CHD3: variants seen among roughly 807,000 people sequenced by gnomAD.
The protein encoded by CHD3 is chromodomain helicase DNA binding protein 3, also known as ATP-dependent chromatin remodeler CHD3.
CHD3 carries 52 observed loss-of-function variants against 248.9 expected under a neutral mutation model. The observed-to-expected ratio is 0.21, with a 90% CI of 0.17 to 0.26. CHD3 has a LOEUF of 0.26. Among genes scored for constraint, CHD3 ranks in the 10% least tolerant of loss-of-function variants. CHD3 has a pLI of 1.00. For synonymous variants in CHD3, 985 were observed against 985.2 expected (o/e 1.00, Z 0.00); for missense variants, 1,482 against 2,605.8 (o/e 0.57, Z 9.39).
chr17:7,889,214 A>ATC lies in CHD3; in HGVS notation c.100+116_100+117dup, dbSNP rs1968464288. ...CCACCTTTGGCTCTCCCTCCCCAGC[A>ATC]TCTGGCTTAGGGAGCTGCCAGCTTG... On this transcript the variant is annotated intron_variant, in intron 1 of 39. Coordinates refer to ENST00000330494, the MANE Select transcript of CHD3 (RefSeq NM_001005273.3). This position sits in a 1 kb window ranked among gnomAD's most constrained non-coding sequence, Gnocchi z 4.5. 7.4e-7 allele frequency: 1 copy of ATC among 1,356,196 alleles called. No individual in the cohort carries two copies. Among genetic ancestry groups the ATC allele is most frequent in the Non-Finnish European group, 1.0e-6 (1 of 977,606 alleles). The allele number at this position is 1,356,196 out of a possible 1,614,324, so 84.0% of individuals were successfully genotyped here.
upstream of CHD3, chr17:7,885,126 C>G (rs1429889106): frequency 7.1e-6 from 7 of 981,314 alleles, no homozygotes; most frequent in Non-Finnish European, 8.4e-6. Context: ...CGAGTGGGAG[C>G]CGCGGGCGCG....
rs1970096219 is a variant in CHD3, at chr17:7,899,771, C to T, written c.2545-125C>T. ...AGGTTTAGGAGCCATGGTCTGTAAT[C>T]CCTGCTTGGAGAACAGAGTAATGGC... On this transcript the variant is annotated intron_variant, in intron 15 of 39. Coordinates refer to ENST00000330494, the MANE Select transcript of CHD3 (RefSeq NM_001005273.3). The surrounding 1 kb of genome is among the most constrained non-coding windows in gnomAD (Gnocchi z 6.8). The T allele has an allele frequency of 1.6e-6, 2 of 1,276,198 alleles. No homozygotes were observed. Among genetic ancestry groups the T allele is most frequent in the Non-Finnish European group, 2.2e-6 (2 of 907,092 alleles). 79.1% of individuals were successfully genotyped at this position (1,276,198 alleles called of 1,614,324 possible). A position where few individuals can be genotyped will look rare whatever the true frequency, so the allele number is the denominator to read the frequency against.
upstream of CHD3, among the ~76,000 whole-genome samples, chr17:7,887,554 T>C (rs549736592): frequency 8.5e-5 from 13 of 152,228 alleles, no homozygotes; most frequent in South Asian, 2.7e-3. Flanking sequence ...ACCCCCTGCC[T>C]GCAGTACGCA....
Position 7,902,928 on chromosome 17 carries a change from A to T in CHD3, c.3371-9A>T, listed in dbSNP as rs1417586609. On this transcript the variant is annotated splice_polypyrimidine_tract_variant and intron_variant, in intron 21 of 39. Transcript: ENST00000330494. ...ACAAGAAAAACCTGATCCAACTCTCACCTCCTAGCTCCTGGGGCCCAACAA... is the reference window on the plus strand; with the variant it reads ...ACAAGAAAAACCTGATCCAACTCTCTCCTCCTAGCTCCTGGGGCCCAACAA... The T allele has an allele frequency of 6.2e-7, 1 of 1,613,532 alleles. No individual in the cohort carries two copies. The highest frequency in any genetic ancestry group is 8.5e-7 in the Non-Finnish European group (1 of 1,179,872).
In CHD3 at chr17:7,895,747, C is replaced by G. The variant is rs1437868700; in HGVS notation, c.1707+205C>G. Among the ~76,000 whole-genome samples, 1 of 152,220 alleles carries G rather than the reference C, an allele frequency of 6.6e-6. No homozygotes were observed. The highest frequency in any genetic ancestry group is 1.5e-5 in the Non-Finnish European group (1 of 68,042). ...TCTCTCAGTCTCCGTTAGCTTCCTT[C>G]CCTCAGATATAGCATAGCCTTTCCT... On this transcript the variant is annotated intron_variant, in intron 10 of 39. Transcript: ENST00000330494. This position sits in a 1 kb window ranked among gnomAD's most constrained non-coding sequence, Gnocchi z 4.9.
intron 12 of CHD3, 63 bp downstream of exon 12, chr17:7,898,165 C>T: frequency 1.3e-6 from 2 of 1,589,542 alleles, no homozygotes. Flanking sequence ...GCCAAAACTC[C>T]AGCATAAAAT....
Position 7,906,822 on chromosome 17 carries a change from G to A in CHD3, c.4504-47G>A, listed in dbSNP as rs1387904356. ...CGGAGGAGACTGGAGCTTCCTGTCT[G>A]TAAGCGCCTGGAGCTGACACCTAAC... On this transcript the variant is annotated intron_variant, in intron 29 of 39. Coordinates refer to ENST00000330494, the MANE Select transcript of CHD3 (RefSeq NM_001005273.3). This position sits in a 1 kb window ranked among gnomAD's most constrained non-coding sequence, Gnocchi z 5.0. 6.2e-7 allele frequency: 1 copy of A among 1,609,606 alleles called. No homozygotes were observed. Among genetic ancestry groups the A allele is most frequent in the Non-Finnish European group, 8.5e-7 (1 of 1,177,320 alleles).
Position 7,894,200 on chromosome 17 carries a change from G to A in CHD3, c.1010G>A (p.Arg337Gln), listed in dbSNP as rs199898991. The change falls in exon 7 of 40, where the codon CGG (arginine) becomes CAG (glutamine). Residue 337 changes from arginine (R) to glutamine (Q), a missense_variant. Physicochemically the swap from Arg to Gln is conservative, Grantham distance 43 (BLOSUM62 1). Around this residue, in one of 20 missense-constraint regions of CHD3, gnomAD observed 149 missense variants for 182.6 expected, o/e 0.82. Transcript: ENST00000330494. ...GGCAGTGTCCACAGTGCCTCAGGCC[G>A]GCCTGATGGCCCTGTCCGCACCAAG... ...DSGSVHSASG[R>Q]PDGPVRTKKL... 1.5e-5 allele frequency: 24 copies of A among 1,614,204 alleles called. No homozygotes were observed. The highest frequency in any genetic ancestry group is 1.4e-4 in the South Asian group (13 of 91,088).
upstream of CHD3, among the ~76,000 whole-genome samples, chr17:7,888,535 C>G (rs1415167384): frequency 6.6e-6 from 1 of 152,168 alleles, no homozygotes; most frequent in African/African-American, 2.4e-5. Flanking sequence ...GGCATCCTGT[C>G]TTCCTTTATG....
chr17:7,899,915 T>A lies in CHD3; in HGVS notation c.2564T>A (p.Phe855Tyr), dbSNP rs753844697. 6.2e-7 allele frequency: 1 copy of A among 1,613,254 alleles called. No individual in the cohort carries two copies. The highest frequency in any genetic ancestry group is 1.3e-5 in the African/African-American group (1 of 74,882). The change falls in exon 16 of 40, where the codon TTC becomes TAC. Residue 855 changes from phenylalanine to tyrosine, a missense_variant. Transcript: ENST00000330494. This position sits in a 1 kb window ranked among gnomAD's most constrained non-coding sequence, Gnocchi z 6.8. ...TGGCAGAGGGAGGCACAGGTGAAGTTCCATGTTCTCCTGACATCGTATGAG... is the reference window on the plus strand; with the variant it reads ...TGGCAGAGGGAGGCACAGGTGAAGTACCATGTTCTCCTGACATCGTATGAG... ...FKMKREAQVK[F>Y]HVLLTSYELI...
In CHD3 at chr17:7,894,251, GGAA is replaced by G. The variant is rs766106062; in HGVS notation, c.1072_1074del (p.Lys358del). The G allele has an allele frequency of 1.2e-5, 19 of 1,613,836 alleles. No homozygotes were observed. Among genetic ancestry groups the G allele is most frequent in the East Asian group, 8.9e-5 (4 of 44,892 alleles). On this transcript the variant is annotated inframe_deletion, in exon 7 of 40. Coordinates refer to ENST00000330494, the MANE Select transcript of CHD3 (RefSeq NM_001005273.3). Reference sequence around the variant, plus strand: ...AAACTAAAGAGAGGCCGGCCAGGAAGGAAGAAGAAGAAGGGTAAGGAGTGTTGA... The same window carrying G: ...AAACTAAAGAGAGGCCGGCCAGGAAGGAAGAAGAAGGGTAAGGAGTGTTGA...
intron 8 of CHD3, 151 bp from the exon 9 acceptor site, chr17:7,894,766 C>A: frequency 1.4e-6 from 2 of 1,381,110 alleles, no homozygotes; most frequent in South Asian, 1.4e-5. Context: ...CTCCCACAAT[C>A]AACATTTCTG....
Position 7,897,140 on chromosome 17 carries a change from GAGC to G in CHD3, c.1766_1768del (p.Glu589_Pro590delinsAla). ...CTACCAGCGGAAGAATGACATGGATGAGCCCCCACCCCTGGACTATGGCTCCGG... is the reference window on the plus strand; with the variant it reads ...CTACCAGCGGAAGAATGACATGGATGCCCCACCCCTGGACTATGGCTCCGG... On this transcript the variant is annotated inframe_deletion, in exon 11 of 40. Transcript: ENST00000330494. This position sits in a 1 kb window ranked among gnomAD's most constrained non-coding sequence, Gnocchi z 4.8. 1 of 1,614,186 alleles carries G rather than the reference GAGC, an allele frequency of 6.2e-7. No individual in the cohort carries two copies. The highest frequency in any genetic ancestry group is 8.5e-7 in the Non-Finnish European group (1 of 1,180,026).
rs890188455 is a variant in CHD3, at chr17:7,902,695, C to T, written c.3338C>T (p.Ala1113Val). ...CGCATCGATGGTGGTATCACGGGTG[C>T]CCTGAGGCAGGAGGCCATCGATCGG... ...YERIDGGITG[A>V]LRQEAIDRFN... The change falls in exon 21 of 40, where the codon GCC becomes GTC. Residue 1113 changes from alanine (A) to valine (V), a missense_variant. Coordinates refer to ENST00000330494, the MANE Select transcript of CHD3 (RefSeq NM_001005273.3). 6.2e-7 allele frequency: 1 copy of T among 1,613,842 alleles called. No homozygotes were observed. The highest frequency in any genetic ancestry group is 8.5e-7 in the Non-Finnish European group (1 of 1,179,818).
In CHD3 at chr17:7,910,161, T is replaced by G; in HGVS notation, c.5591-267T>G. On this transcript the variant is annotated intron_variant, in intron 37 of 39. Transcript: ENST00000330494. This position sits in a 1 kb window ranked among gnomAD's most constrained non-coding sequence, Gnocchi z 4.7. ...ATCTTCCTTTCCTCCATGCTCCCTT[T>G]TTCTTTCTTCTTTCTCTCCATCTGT... The G allele has an allele frequency of 3.0e-6, 1 of 336,184 alleles. No homozygotes were observed. Among genetic ancestry groups the G allele is most frequent in the Non-Finnish European group, 5.6e-6 (1 of 177,988 alleles). 20.8% of individuals were successfully genotyped at this position (336,184 alleles called of 1,614,324 possible).
At position 7,899,860 on chromosome 17, in the gene CHD3, A is replaced by C; in HGVS notation, c.2545-36A>C. On this transcript the variant is annotated intron_variant, in intron 15 of 39. Transcript: ENST00000330494. The surrounding 1 kb of genome is among the most constrained non-coding windows in gnomAD (Gnocchi z 6.8). ...CTGGAGGTGTAGGTGCATGGTTGTC[A>C]GGTGGCAGCTGAATGGGCAATAATT... 1.2e-6 allele frequency: 2 copies of C among 1,604,246 alleles called. No individual in the cohort carries two copies. Among genetic ancestry groups the C allele is most frequent in the Non-Finnish European group, 1.7e-6 (2 of 1,173,644 alleles).
rs1316257739 is a variant in CHD3, at chr17:7,910,833, C to T, written c.5755-14C>T. 1 of 1,584,898 alleles carries T rather than the reference C, an allele frequency of 6.3e-7. No individual in the cohort carries two copies. The highest frequency in any genetic ancestry group is 2.0e-5 in the Admixed American group (1 of 50,570). ...TATGAACTAACTCCAACTTCTGCTT[C>T]CTCTCTGTTCCAGGCCTACCCGCCG... is the stretch of plus-strand genomic sequence containing the variant. On this transcript the variant is annotated splice_polypyrimidine_tract_variant and intron_variant, in intron 38 of 39. Transcript: ENST00000330494. The surrounding 1 kb of genome is among the most constrained non-coding windows in gnomAD (Gnocchi z 4.7).
chr17:7,907,950 A>G lies in CHD3; in HGVS notation c.5083A>G (p.Asn1695Asp). 6.2e-7 allele frequency: 1 copy of G among 1,613,214 alleles called. No homozygotes were observed. Among genetic ancestry groups the G allele is most frequent in the Non-Finnish European group, 8.5e-7 (1 of 1,179,336 alleles). ...AGGGCCTCGAGATGAGCCACGGTCCAATGGGCGACGAGAGGAAAAGACAGA... is the reference window on the plus strand; with the variant it reads ...AGGGCCTCGAGATGAGCCACGGTCCGATGGGCGACGAGAGGAAAAGACAGA... ...RPGPRDEPRS[N>D]GRREEKTEKP... Residue 1695 changes from asparagine to aspartate, a missense_variant, in exon 34 of 40, where the codon AAT becomes GAT. Around this residue, in one of 20 missense-constraint regions of CHD3, gnomAD observed 254 missense variants for 266.7 expected, o/e 0.95. Transcript: ENST00000330494. The surrounding 1 kb of genome is among the most constrained non-coding windows in gnomAD (Gnocchi z 4.3).
chr17:7,910,649 AC>A lies in CHD3; in HGVS notation c.5754+59del. 2 of 1,563,358 alleles carry A rather than the reference AC, an allele frequency of 1.3e-6. No individual in the cohort carries two copies. The highest frequency in any genetic ancestry group is 4.5e-5 in the East Asian group (2 of 44,448). On this transcript the variant is annotated intron_variant, in intron 38 of 39. Transcript: ENST00000330494. The surrounding 1 kb of genome is among the most constrained non-coding windows in gnomAD (Gnocchi z 4.7). ...CTGTTTGTGTTCCTCCTGCACACAT[AC>A]AAACACTTCCATCAGAATCCTATAC...
Sources: allele counts gnomAD v4.1 joint callset (sites outside exome capture counted in the v4.1 genomes callset), GRCh38; gene constraint gnomAD v4.1.1; regional missense constraint gnomAD v4.1.1; non-coding constraint Gnocchi (gnomAD v3.1); transcripts MANE v1.5; gene names NCBI Gene and HGNC (gene_info 2026-07-23, HGNC 2026-07-21).